SHOC1: variants seen among roughly 807,000 people sequenced by gnomAD.
SHOC1 encodes the protein protein shortage in chiasmata 1 ortholog.
Under a neutral mutation model 179.2 loss-of-function variants are expected in SHOC1, and 136 were observed. That is an observed-to-expected ratio of 0.76 (90% CI 0.66 to 0.87). The LOEUF is 0.87. Ranked by LOEUF, SHOC1 falls within the 40% of genes least tolerant of loss-of-function variation. SHOC1 has a pLI of 0.00. For synonymous variants in SHOC1, 489 were observed against 586.6 expected (o/e 0.83, Z 2.41); for missense variants, 1,538 against 1,700.8 (o/e 0.90, Z 1.68).
At chr9:111,778,729 C>G (rs1319370123) in intron 4 of SHOC1, among the ~76,000 whole-genome samples, 1 of 143,850 alleles carries the variant, frequency 7.0e-6, no homozygotes, top group African/African-American at 2.6e-5. Context: ...CAAGGTCACA[C>G]CACTGCACTC....
At chr9:111,728,072 C>T in intron 12 of SHOC1, 23 bp from the exon 13 acceptor site, 1 of 1,504,480 alleles carries the variant, frequency 6.6e-7, no homozygotes, top group Non-Finnish European at 8.9e-7. Flanking sequence ...AATAACAACA[C>T]ACAAGTAACT....
intron 27 of SHOC1, 88 bp downstream of exon 27, chr9:111,691,463 A>G (rs1257750455): frequency 7.4e-7 from 1 of 1,343,476 alleles, no homozygotes; most frequent in African/African-American, 1.5e-5. Context: ...TGTAGTAATT[A>G]AAACAAAAAA....
chr9:111,765,056 A>G (rs534839305), intron 5 of SHOC1, among the ~76,000 whole-genome samples: 2 of 151,622 alleles, frequency 1.3e-5, no homozygotes, highest in Admixed American at 6.6e-5. Context: ...CGGGAGAATC[A>G]CTTGAACCCG....
intron 1 of SHOC1, among the ~76,000 whole-genome samples, chr9:111,792,993 C>T (rs1040915812): frequency 6.6e-6 from 1 of 152,102 alleles, no homozygotes; most frequent in Non-Finnish European, 1.5e-5. Context: ...CGCCATTCTC[C>T]TGCCTCAGCC....
intron 24 of SHOC1, among the ~76,000 whole-genome samples, chr9:111,699,747 G>T (rs554824339): frequency 2.0e-5 from 3 of 152,246 alleles, no homozygotes; most frequent in African/African-American, 7.2e-5. Flanking sequence ...ATAAAGAGAA[G>T]AAACATGATT....
rs568123379 is a variant in SHOC1 at position 111,741,536 on chromosome 9, A to G, written c.1114T>C (p.Tyr372His). ...CTTTCTAATTGCCACATCATGTAGT[A>G]TTCATTAGCTGATTCTTCAGCAGTA... ...LLTAEESANEYYMMWQLERCR... is the reference protein window; with the variant it reads ...LLTAEESANEHYMMWQLERCR... The change falls in exon 11 of 28, where the codon TAC (tyrosine) becomes CAC (histidine). Residue 372 changes from tyrosine (Y) to histidine (H), a missense_variant. Transcript: ENST00000682961. The G allele has an allele frequency of 4.0e-5, 65 of 1,611,174 alleles. No homozygotes were observed. The South Asian group carries it at 7.0e-4, about 17-fold the overall frequency.
intron 4 of SHOC1, among the ~76,000 whole-genome samples, chr9:111,776,616 C>G (rs569323808): frequency 1.3e-4 from 20 of 152,236 alleles, no homozygotes; most frequent in African/African-American, 3.9e-4. Context: ...ATGGGTTCAG[C>G]CATGGAAAGC....
chr9:111,691,636 A>G lies in SHOC1; in HGVS notation c.4341T>C (p.Tyr1447=). ...AACTTTTTCCAGCTCTTTGGTAGAA[A>G]TAAAGGCTGTTGAATTCTTTTTGAT... ...NANQKEFNSL[Y]FYQRAGKSLG... is the part of the protein sequence containing the mutation. Residue 1447 remains tyrosine (Y), a synonymous_variant, in exon 27 of 28, where the codon TAT becomes TAC. Coordinates refer to ENST00000682961, the MANE Select transcript of SHOC1 (RefSeq NM_001378211.1). 6.2e-7 allele frequency: 1 copy of G among 1,613,982 alleles called. No homozygotes were observed. The highest frequency in any genetic ancestry group is 8.5e-7 in the Non-Finnish European group (1 of 1,179,942).
intron 13 of SHOC1, among the ~76,000 whole-genome samples, chr9:111,724,702 A>G (rs2131423654): frequency 6.6e-6 from 1 of 152,172 alleles, no homozygotes; most frequent in African/African-American, 2.4e-5. Context: ...CTTCTAAAAA[A>G]AGTCATATAT....
chr9:111,783,222 C>A (rs1202323385), intron 3 of SHOC1, among the ~76,000 whole-genome samples: 1 of 152,074 alleles, frequency 6.6e-6, no homozygotes, highest in Non-Finnish European at 1.5e-5. Context: ...AGCAAAATTC[C>A]CCAAAATATT....
Position 111,701,904 on chromosome 9 carries a change from C to A in SHOC1, c.3089+201G>T, listed in dbSNP as rs1043934256. On this transcript the variant is annotated intron_variant, in intron 23 of 27. Coordinates refer to ENST00000682961, the MANE Select transcript of SHOC1 (RefSeq NM_001378211.1). ...AGTGAGATGGGGGAAAGGGGGATGG[C>A]TTTCACAGAATGTCCAGGGAAACGT... 3.3e-5 allele frequency among the ~76,000 whole-genome samples: 5 copies of A among 152,110 alleles called. No homozygotes were observed. In the East Asian group the frequency reaches 9.7e-4, roughly 29 times the overall value.
At chr9:111,756,275 A>ACATT (rs1834855485) in intron 8 of SHOC1, 50 bp downstream of exon 8, 1 of 1,451,624 alleles carries the variant, frequency 6.9e-7, no homozygotes, top group Admixed American at 2.5e-5. Flanking sequence ...TATGTAACAA[A>ACATT]CATTCTTAAG....
At chr9:111,705,164 T>TACACACACACAC (rs1452730011) in intron 21 of SHOC1, 83 bp downstream of exon 21, 164 of 81,398 alleles carry the variant, frequency 2.0e-3, no homozygotes, top group East Asian at 9.2e-3. Context: ...CCTATCAGAA[T>TACACACACACAC]ATATATACAC....
At chr9:111,751,415 CTT>C (rs1428762732) in intron 8 of SHOC1, among the ~76,000 whole-genome samples, 1 of 152,112 alleles carries the variant, frequency 6.6e-6, no homozygotes, top group Non-Finnish European at 1.5e-5. Context: ...TATCCTGAGA[CTT>C]TGCTGAAGTT....
At position 111,758,046 on chromosome 9, in the gene SHOC1, A is replaced by G. The variant is rs751533611; in HGVS notation, c.708+38T>C. ...AAATTTTACAAAAATGTGCCTCACTACTTTTACTAAAATATTATTGAAAGC... is the reference window on the plus strand; with the variant it reads ...AAATTTTACAAAAATGTGCCTCACTGCTTTTACTAAAATATTATTGAAAGC... On this transcript the variant is annotated intron_variant, in intron 7 of 27. Transcript: ENST00000682961. 1.7e-5 allele frequency: 19 copies of G among 1,095,592 alleles called. No homozygotes were observed. The East Asian group carries it at 4.8e-4, about 28-fold the overall frequency. 67.9% of individuals were successfully genotyped at this position (1,095,592 alleles called of 1,614,324 possible). A position where few individuals can be genotyped will look rare whatever the true frequency, so the allele number is the denominator to read the frequency against.
Position 111,718,283 on chromosome 9 carries a change from T to C in SHOC1, c.2137A>G (p.Ile713Val), listed in dbSNP as rs140094171. The C allele has an allele frequency of 4.2e-5, 67 of 1,587,702 alleles. No homozygotes were observed. Among genetic ancestry groups the C allele is most frequent in the Non-Finnish European group, 5.6e-5 (65 of 1,170,262 alleles). Residue 713 changes from isoleucine to valine, a missense_variant, in exon 16 of 28, where the codon ATT becomes GTT. Physicochemically the swap from Ile to Val is conservative, Grantham distance 29. Transcript: ENST00000682961. Reference protein sequence around the residue: ...VVSDAVRQGTIDEREMTFKHA... With the variant: ...VVSDAVRQGTVDEREMTFKHA... Reference sequence around the variant, plus strand: ...TTGAAAGTCATTTCTCTTTCATCAATTGTACCTAAGTAAGCAAAAATGTAT... The same window carrying C: ...TTGAAAGTCATTTCTCTTTCATCAACTGTACCTAAGTAAGCAAAAATGTAT...
Position 111,706,754 on chromosome 9 carries a change from CA to C in SHOC1, c.2559-9del. 5 of 1,548,942 alleles carry C rather than the reference CA, an allele frequency of 3.2e-6. No homozygotes were observed. The highest frequency in any genetic ancestry group is 4.3e-6 in the Non-Finnish European group (5 of 1,149,952). On this transcript the variant is annotated splice_polypyrimidine_tract_variant and intron_variant, in intron 19 of 27. Transcript: ENST00000682961. ...ACTACACAGGAACTTGTACTAAAGACAAAAGAGAGCCAAGAAAATGGCATTA... is the reference window on the plus strand; with the variant it reads ...ACTACACAGGAACTTGTACTAAAGACAAAGAGAGCCAAGAAAATGGCATTA...
intron 4 of SHOC1, among the ~76,000 whole-genome samples, chr9:111,780,437 C>A (rs1354758500): frequency 6.6e-6 from 1 of 152,146 alleles, no homozygotes; most frequent in Admixed American, 6.5e-5. Context: ...TGTCATTGTA[C>A]TTTGCACATT....
At chr9:111,687,136 C>T (rs761662297) in intron 27 of SHOC1, among the ~76,000 whole-genome samples, 11 of 151,744 alleles carry the variant, frequency 7.2e-5, no homozygotes, top group African/African-American at 1.2e-4. Flanking sequence ...TTAGTAGAGA[C>T]AGGGTTTTGC....
Sources: gnomAD v4.1 joint callset for allele counts (sites outside exome capture counted in the v4.1 genomes callset) on GRCh38, gnomAD v4.1.1 for gene constraint, MANE v1.5 for transcripts, NCBI Gene and HGNC (gene_info 2026-07-23, HGNC 2026-07-21) for gene names.